Variants in PTPN14 observed in about 807,000 individuals in gnomAD.
PTPN14 encodes tyrosine-protein phosphatase non-receptor type 14.
In PTPN14, 53 loss-of-function variants were observed where a neutral mutation model predicts 126.8. That is an observed-to-expected ratio of 0.42 (90% CI 0.34 to 0.53). The LOEUF is 0.53. Among genes scored for constraint, PTPN14 ranks in the 20% least tolerant of loss-of-function variants. The pLI, the probability that PTPN14 is intolerant of heterozygous loss-of-function variation, is 0.08. For synonymous variants in PTPN14, 630 were observed against 599.3 expected (o/e 1.05, Z -0.75); for missense variants, 1,257 against 1,552.9 (o/e 0.81, Z 3.20).
intron 4 of PTPN14, among the ~76,000 whole-genome samples, chr1:214,413,282 G>A (rs1408786645): frequency 6.6e-6 from 1 of 152,148 alleles, no homozygotes; most frequent in Non-Finnish European, 1.5e-5. Flanking sequence ...TATCATAACT[G>A]GCCATTGTTT....
chr1:214,451,263 T>C (rs1171018331), intron 3 of PTPN14, among the ~76,000 whole-genome samples: 1 of 152,096 alleles, frequency 6.6e-6, no homozygotes, highest in African/African-American at 2.4e-5. Context: ...TGGGCTCAAG[T>C]GATCTTCCAA....
chr1:214,402,655 A>G (rs796640985), intron 6 of PTPN14, among the ~76,000 whole-genome samples: 2 of 262 alleles, frequency 7.6e-3, no homozygotes, highest in Non-Finnish European at 0.017. Context: ...GGAAGGAAGG[A>G]AGGAAGGAAG....
At chr1:214,401,149 GGATGT>G (rs1436536749) in intron 7 of PTPN14, among the ~76,000 whole-genome samples, 1 of 152,184 alleles carries the variant, frequency 6.6e-6, no homozygotes, top group Non-Finnish European at 1.5e-5. Flanking sequence ...GTGCTGCAAA[GGATGT>G]GATGTGCTAT....
At chr1:214,537,129 C>A (rs1057283282) in intron 1 of PTPN14, among the ~76,000 whole-genome samples, 1 of 152,142 alleles carries the variant, frequency 6.6e-6, no homozygotes, top group Non-Finnish European at 1.5e-5. Context: ...AGTTAGTAAA[C>A]GAAGCACATC....
At chr1:214,372,955 G>A (rs1658253796) in intron 15 of PTPN14, 116 bp from the exon 16 acceptor site, 7 of 1,405,620 alleles carry the variant, frequency 5.0e-6, no homozygotes, top group East Asian at 2.4e-5. Context: ...GGGGCCGAAT[G>A]AATTAGTTCA....
At chr1:214,392,754 C>A (rs574860156) in intron 10 of PTPN14, among the ~76,000 whole-genome samples, 1 of 152,118 alleles carries the variant, frequency 6.6e-6, no homozygotes, top group African/African-American at 2.4e-5. Context: ...ACTTTCAGAC[C>A]CCGACAGTGA....
At chr1:214,429,209 A>C (rs549337960) in intron 3 of PTPN14, among the ~76,000 whole-genome samples, 1 of 152,344 alleles carries the variant, frequency 6.6e-6, no homozygotes, top group Non-Finnish European at 1.5e-5. Flanking sequence ...ATATGATCAT[A>C]AGTATATGCA....
chr1:214,459,733 C>A (rs901816746), intron 2 of PTPN14, among the ~76,000 whole-genome samples: 1 of 152,122 alleles, frequency 6.6e-6, no homozygotes, highest in Non-Finnish European at 1.5e-5. Context: ...TCCCAAAGTG[C>A]TGAGATTACA....
rs1558070092 is a variant in PTPN14 at position 214,364,941 on chromosome 1, G to A, written c.3272-266C>T. On this transcript the variant is annotated intron_variant, in intron 17 of 18. Coordinates refer to ENST00000366956, the MANE Select transcript of PTPN14 (RefSeq NM_005401.5). The surrounding 1 kb of genome is among the most constrained non-coding windows in gnomAD (Gnocchi z 4.1). ...GAGAATTTGTTCTTTAAATTAAATAGTACTTTTTTAAAAATTAAATTCTGT... is the reference window on the plus strand; with the variant it reads ...GAGAATTTGTTCTTTAAATTAAATAATACTTTTTTAAAAATTAAATTCTGT... Among the ~76,000 whole-genome samples the A allele has an allele frequency of 6.6e-6, 1 of 152,038 alleles. No homozygotes were observed. Among genetic ancestry groups the A allele is most frequent in the Non-Finnish European group, 1.5e-5 (1 of 68,018 alleles).
chr1:214,395,437 G>A (rs945933594), intron 8 of PTPN14, among the ~76,000 whole-genome samples: 5 of 151,962 alleles, frequency 3.3e-5, no homozygotes, highest in African/African-American at 7.2e-5. Flanking sequence ...ATGCCACTAA[G>A]AAAAAACGCC....
chr1:214,526,860 C>T (rs955744032), intron 1 of PTPN14, among the ~76,000 whole-genome samples: 1 of 152,046 alleles, frequency 6.6e-6, no homozygotes, highest in South Asian at 2.1e-4. Context: ...CGGAGGCCAA[C>T]GCGGGGGGAT....
In PTPN14 at chr1:214,364,774, T is replaced by TGTGTGTGC. The variant is rs1658041825; in HGVS notation, c.3272-100_3272-99insGCACACAC. On this transcript the variant is annotated intron_variant, in intron 17 of 18. Transcript: ENST00000366956. The surrounding 1 kb of genome is among the most constrained non-coding windows in gnomAD (Gnocchi z 4.1). ...GAAGAGAACTGATGGTGAGTGTGTG[T>TGTGTGTGC]GTGTGTGTGTGTGTGTGTGTGTGTG... The TGTGTGTGC allele has an allele frequency of 1.6e-6, 1 of 631,842 alleles. No homozygotes were observed. Among genetic ancestry groups the TGTGTGTGC allele is most frequent in the Non-Finnish European group, 2.6e-6 (1 of 389,132 alleles). 39.1% of individuals were successfully genotyped at this position (631,842 alleles called of 1,614,324 possible). A position where few individuals can be genotyped will look rare whatever the true frequency, so the allele number is the denominator to read the frequency against.
At chr1:214,517,280 A>T (rs12562411) in intron 1 of PTPN14, among the ~76,000 whole-genome samples, 38,973 of 152,002 alleles carry the variant, frequency 0.26, 5,872 homozygotes, top group East Asian at 0.52. Context: ...ATGTATGACA[A>T]AATGCATGAT....
At chr1:214,497,991 T>C (rs2102426864) in intron 1 of PTPN14, among the ~76,000 whole-genome samples, 1 of 152,324 alleles carries the variant, frequency 6.6e-6, no homozygotes, top group South Asian at 2.1e-4. Flanking sequence ...CTGATAGGGT[T>C]CTGGGTGATT....
chr1:214,472,862 T>C (rs1660790649), intron 1 of PTPN14, among the ~76,000 whole-genome samples: 2 of 152,226 alleles, frequency 1.3e-5, no homozygotes, highest in Admixed American at 1.3e-4. Context: ...TCCAGACACG[T>C]TCCTTGCAAC....
At chr1:214,464,981 T>A in intron 1 of PTPN14, 24 bp from the exon 2 acceptor site, 1 of 664,604 alleles carries the variant, frequency 1.5e-6, no homozygotes. Context: ...AGAAATGCCA[T>A]GGTCATGCTC....
chr1:214,482,468 C>A (rs1558123117), intron 1 of PTPN14, among the ~76,000 whole-genome samples: 1 of 152,014 alleles, frequency 6.6e-6, no homozygotes, highest in Non-Finnish European at 1.5e-5. Flanking sequence ...AAAACACCAA[C>A]ATTTTAGGTT....
chr1:214,369,341 T>C, intron 17 of PTPN14, 116 bp downstream of exon 17: 1 of 886,086 alleles, frequency 1.1e-6, no homozygotes, highest in Non-Finnish European at 1.8e-6. Context: ...AATATTATAA[T>C]ACTTTTGCCA....
At position 214,464,728 on chromosome 1, in the gene PTPN14, G is replaced by A. The variant is rs1365801352; in HGVS notation, c.76C>T (p.Arg26Cys). 6.2e-6 allele frequency: 10 copies of A among 1,614,178 alleles called. No homozygotes were observed. The highest frequency in any genetic ancestry group is 6.8e-6 in the Non-Finnish European group (8 of 1,180,058). ...LSKNCFVTRIRLLDSNVIECT... is the reference protein window; with the variant it reads ...LSKNCFVTRICLLDSNVIECT... ...TCGATAACATTGCTGTCCAGCAGGC[G>A]AATCCGTGTGACAAAGCAGTTCTTG... Residue 26 changes from arginine (R) to cysteine (C), a missense_variant, in exon 2 of 19, where the codon CGC becomes TGC. Arg to Cys is a radical substitution (Grantham distance 180). Transcript: ENST00000366956.
Sources: allele counts gnomAD v4.1 joint callset (sites outside exome capture counted in the v4.1 genomes callset), GRCh38; gene constraint gnomAD v4.1.1; non-coding constraint Gnocchi (gnomAD v3.1); transcripts MANE v1.5; gene names NCBI Gene and HGNC (gene_info 2026-07-23, HGNC 2026-07-21).